The following KNTC1 variants were observed in gnomAD, a reference collection of about 807,000 sequenced individuals.
KNTC1 encodes the protein kinetochore associated 1.
In KNTC1, 253 loss-of-function variants were observed where a neutral mutation model predicts 314.4. The observed-to-expected ratio is 0.80, with a 90% confidence interval of 0.73 to 0.89. KNTC1 has a LOEUF of 0.89. Among genes scored for constraint, KNTC1 ranks in the 40% least tolerant of loss-of-function variants. The pLI, the probability that KNTC1 is intolerant of heterozygous loss-of-function variation, is 0.00. For synonymous variants in KNTC1, 901 were observed against 901.4 expected (o/e 1.00, Z 0.01); for missense variants, 2,475 against 2,572.9 (o/e 0.96, Z 0.82).
chr12:122,622,296 A>G (rs972088886), intron 61 of KNTC1, among the ~76,000 whole-genome samples, 166 bp from the exon 62 acceptor site: 8 of 151,960 alleles, frequency 5.3e-5, no homozygotes, highest in African/African-American at 1.9e-4. Flanking sequence ...TTCCCTTTTT[A>G]CCCCCTCAAA....
intron 7 of KNTC1, 29 bp downstream of exon 7, chr12:122,543,663 T>C: frequency 2.2e-6 from 3 of 1,385,758 alleles, no homozygotes; most frequent in Non-Finnish European, 3.0e-6. Context: ...ATTGTCCTCT[T>C]AAAAAAATTA....
chr12:122,581,865 G>C (rs1482409126), intron 33 of KNTC1, among the ~76,000 whole-genome samples: 1 of 152,204 alleles, frequency 6.6e-6, no homozygotes, highest in Non-Finnish European at 1.5e-5. Flanking sequence ...TTGTAATTCA[G>C]TGGTGTTAAT....
chr12:122,619,364 C>T (rs757881993), intron 59 of KNTC1, among the ~76,000 whole-genome samples: 3 of 150,906 alleles, frequency 2.0e-5, no homozygotes, highest in Non-Finnish European at 4.4e-5. Flanking sequence ...TAGAGACAGC[C>T]TCCCAAATTG....
chr12:122,588,960 C>T, intron 40 of KNTC1, 144 bp downstream of exon 40: 1 of 449,630 alleles, frequency 2.2e-6, no homozygotes, highest in Non-Finnish European at 3.9e-6. Context: ...TATAGCTAAT[C>T]AATTATATTT....
intron 18 of KNTC1, 74 bp downstream of exon 18, chr12:122,557,763 C>A: frequency 9.9e-7 from 1 of 1,013,230 alleles, no homozygotes. Flanking sequence ...AATCCTGCCT[C>A]AAATATATCT....
chr12:122,532,717 G>A (rs994131137), intron 2 of KNTC1, among the ~76,000 whole-genome samples: 1 of 152,142 alleles, frequency 6.6e-6, no homozygotes, highest in African/African-American at 2.4e-5. Context: ...TTAGGAACTT[G>A]GACATAAGAT....
At position 122,529,979 on chromosome 12, in the gene KNTC1, C is replaced by T; in HGVS notation, c.-73-12C>T. 1 of 1,417,942 alleles carries T rather than the reference C, an allele frequency of 7.1e-7. No individual in the cohort carries two copies. Among genetic ancestry groups the T allele is most frequent in the Non-Finnish European group, 9.5e-7 (1 of 1,050,878 alleles). 87.8% of individuals were successfully genotyped at this position (1,417,942 alleles called of 1,614,324 possible). A position where few individuals can be genotyped will look rare whatever the true frequency, so the allele number is the denominator to read the frequency against. ...TTATCATTTCCCAAGGAACCAGGTTCTATGCAACAAGATAATATGGTGTCT... is the reference window on the plus strand; with the variant it reads ...TTATCATTTCCCAAGGAACCAGGTTTTATGCAACAAGATAATATGGTGTCT... On this transcript the variant is annotated splice_polypyrimidine_tract_variant and intron_variant, in intron 1 of 63. Coordinates refer to ENST00000333479, the MANE Select transcript of KNTC1 (RefSeq NM_014708.6).
intron 21 of KNTC1, among the ~76,000 whole-genome samples, chr12:122,569,387 G>A (rs1964546310): frequency 6.6e-6 from 1 of 152,118 alleles, no homozygotes; most frequent in Admixed American, 6.5e-5. Flanking sequence ...GCCCTTAATG[G>A]CTGCATTGCT....
chr12:122,566,697 C>T (rs1964365949), intron 20 of KNTC1, among the ~76,000 whole-genome samples: 1 of 151,536 alleles, frequency 6.6e-6, no homozygotes, highest in Non-Finnish European at 1.5e-5. Flanking sequence ...GAGTGAGCCA[C>T]TGCACCCAGC....
At chr12:122,538,798 A>G (rs979904285) in intron 4 of KNTC1, among the ~76,000 whole-genome samples, 5 of 152,112 alleles carry the variant, frequency 3.3e-5, no homozygotes, top group African/African-American at 1.2e-4. Flanking sequence ...TGAAAAAGGG[A>G]GTGATTTGTA....
At chr12:122,593,977 C>G (rs543804089) in intron 42 of KNTC1, 11 of 322,864 alleles carry the variant, frequency 3.4e-5, no homozygotes, top group Admixed American at 1.4e-4. Context: ...TACAGAAATG[C>G]TATATGTTTT....
chr12:122,585,520 T>G, intron 36 of KNTC1, 116 bp from the exon 37 acceptor site: 1 of 1,167,350 alleles, frequency 8.6e-7, no homozygotes, highest in South Asian at 1.5e-5. Context: ...TCCCTCGACA[T>G]TGTCCTTCTG....
At chr12:122,564,763 C>T (rs539465372) in intron 20 of KNTC1, among the ~76,000 whole-genome samples, 2 of 152,216 alleles carry the variant, frequency 1.3e-5, no homozygotes, top group Non-Finnish European at 2.9e-5. Context: ...TGAGGTACCA[C>T]GCCCAGTGCT....
intron 45 of KNTC1, 102 bp downstream of exon 45, chr12:122,601,727 C>T (rs1871940610): frequency 4.5e-6 from 5 of 1,099,470 alleles, no homozygotes; most frequent in Non-Finnish European, 3.5e-6. Context: ...CCATTGAATT[C>T]CCTTTAAACT....
chr12:122,613,738 A>G lies in KNTC1; in HGVS notation c.5854A>G (p.Lys1952Glu). 1.2e-6 allele frequency: 2 copies of G among 1,610,570 alleles called. No homozygotes were observed. Among genetic ancestry groups the G allele is most frequent in the Non-Finnish European group, 1.7e-6 (2 of 1,178,708 alleles). Reference protein sequence around the residue: ...PKEGMIKGLWKNHSHESMAVR... With the variant: ...PKEGMIKGLWENHSHESMAVR... ...AGAAGGAATGATTAAGGGTCTGTGG[A>G]AAAACCACAGCCACGAGTCCATGGT... The change falls in exon 55 of 64, where the codon AAA (lysine) becomes GAA (glutamate). Residue 1952 changes from lysine (K) to glutamate (E), a missense_variant. By Grantham distance (56) the Lys-to-Glu change is moderately conservative (BLOSUM62 1). Transcript: ENST00000333479.
intron 63 of KNTC1, 124 bp downstream of exon 63, chr12:122,624,812 T>A: frequency 1.3e-6 from 1 of 754,404 alleles, no homozygotes; most frequent in Non-Finnish European, 2.4e-6. Flanking sequence ...ACTGTAATTT[T>A]TATATTTTAC....
chr12:122,551,703 A>G lies in KNTC1; in HGVS notation c.1272+7A>G, dbSNP rs1233511704. 13 of 1,596,558 alleles carry G rather than the reference A, an allele frequency of 8.1e-6. No individual in the cohort carries two copies. The highest frequency in any genetic ancestry group is 1.0e-5 in the Non-Finnish European group (12 of 1,164,214). ...GTTTGGACTAGATGTTGAGGTAATC[A>G]TTCATGTATTCATTTGTTCACCAAA... is the stretch of plus-strand genomic sequence containing the variant. On this transcript the variant is annotated splice_region_variant and intron_variant, in intron 16 of 63. Transcript: ENST00000333479.
chr12:122,576,589 G>A (rs1197540051), intron 29 of KNTC1, among the ~76,000 whole-genome samples: 2 of 152,082 alleles, frequency 1.3e-5, no homozygotes, highest in Non-Finnish European at 2.9e-5. Context: ...GCTGAGGGAG[G>A]AGAATCACTT....
At chr12:122,612,642 A>G (rs1169747669) in intron 53 of KNTC1, among the ~76,000 whole-genome samples, 1 of 145,190 alleles carries the variant, frequency 6.9e-6, no homozygotes, top group Non-Finnish European at 1.5e-5. Flanking sequence ...CTGGTCTTGA[A>G]CTCCTGACCT....
Sources: allele counts gnomAD v4.1 joint callset (sites outside exome capture counted in the v4.1 genomes callset), GRCh38; gene constraint gnomAD v4.1.1; transcripts MANE v1.5; gene names NCBI Gene and HGNC (gene_info 2026-07-23, HGNC 2026-07-21).